ZNF486: variants seen among roughly 807,000 people sequenced by gnomAD.
ZNF486 encodes KRAB box only protein 2.
Under a neutral mutation model 12.8 loss-of-function variants are expected in ZNF486, and 12 were observed. The observed-to-expected ratio is 0.94, with a 90% CI of 0.60 to 1.52. The LOEUF (loss-of-function observed/expected upper bound fraction) is 1.52, where lower values mean the gene tolerates loss of function less well. Ranked by LOEUF, ZNF486 falls within the 40% of genes most tolerant of loss-of-function variation. ZNF486 has a pLI of 0.00. For synonymous variants in ZNF486, 231 were observed against 184.9 expected (o/e 1.25, Z -2.02); for missense variants, 738 against 545.0 (o/e 1.35, Z -3.53).
chr19:20,188,156 A>T (rs1009930728), intron 3 of ZNF486, among the ~76,000 whole-genome samples: 1 of 152,132 alleles, frequency 6.6e-6, no homozygotes, highest in South Asian at 2.1e-4. Flanking sequence ...GGGTTTCTAT[A>T]TAGGCAGAAC....
intron 1 of ZNF486, among the ~76,000 whole-genome samples, chr19:20,184,061 G>A (rs2089815288): frequency 1.3e-5 from 2 of 152,104 alleles, no homozygotes; most frequent in Admixed American, 1.3e-4. Context: ...GATTCTGTAT[G>A]ATGTAAATAT....
At chr19:20,185,813 AAAAG>A (rs1331205409) in intron 2 of ZNF486, among the ~76,000 whole-genome samples, 170 bp from the exon 3 acceptor site, 1 of 152,008 alleles carries the variant, frequency 6.6e-6, no homozygotes, top group African/African-American at 2.4e-5. Context: ...AAAAAAAAAA[AAAAG>A]AAACCTTAAA....
intron 1 of ZNF486, among the ~76,000 whole-genome samples, chr19:20,172,187 G>A (rs1240755700): frequency 2.6e-5 from 4 of 151,508 alleles, no homozygotes; most frequent in Non-Finnish European, 5.9e-5. Context: ...ACTTTTAGTA[G>A]AGACAGGATT....
intron 3 of ZNF486, among the ~76,000 whole-genome samples, chr19:20,189,165 C>T (rs1196876501): frequency 2.6e-4 from 39 of 152,054 alleles, no homozygotes; most frequent in Admixed American, 2.4e-3. Flanking sequence ...ACCTCTGCCT[C>T]CTGGGTTCAA....
At chr19:20,182,616 G>A (rs951907763) in intron 1 of ZNF486, among the ~76,000 whole-genome samples, 7 of 152,200 alleles carry the variant, frequency 4.6e-5, no homozygotes, top group Admixed American at 4.6e-4. Context: ...GGTCAGTGTG[G>A]TGCATAATTC....
chr19:20,178,379 G>A (rs2089747117), intron 1 of ZNF486, among the ~76,000 whole-genome samples: 1 of 151,986 alleles, frequency 6.6e-6, no homozygotes, highest in Non-Finnish European at 1.5e-5. Flanking sequence ...GAATAGCTGG[G>A]ACTACAGGCT....
chr19:20,181,134 C>T (rs1349389858), intron 1 of ZNF486, among the ~76,000 whole-genome samples: 2 of 151,584 alleles, frequency 1.3e-5, no homozygotes, highest in Admixed American at 6.6e-5. Flanking sequence ...TGACCCTACC[C>T]TGGAGTCTTG....
chr19:20,197,499 G>T lies in ZNF486; in HGVS notation c.789G>T (p.Glu263Asp), dbSNP rs2089971506. Residue 263 changes from glutamate to aspartate, a missense_variant, in exon 4 of 4, where the codon GAG (glutamate) becomes GAT (aspartate). Transcript: ENST00000335117. ...CACATAAGAAAATTCATAGTGGAGA[G>T]AAACCCTACATTTGTGAAGAATGTG... Reference protein sequence around the residue: ...FTTHKKIHSGEKPYICEECGK... With the variant: ...FTTHKKIHSGDKPYICEECGK... 2 of 1,609,358 alleles carry T rather than the reference G, an allele frequency of 1.2e-6. No individual in the cohort carries two copies. The highest frequency in any genetic ancestry group is 1.7e-6 in the Non-Finnish European group (2 of 1,177,430).
At chr19:20,196,687 ATAAG>A (rs1470531801) in intron 3 of ZNF486, among the ~76,000 whole-genome samples, 3 of 150,912 alleles carry the variant, frequency 2.0e-5, no homozygotes, top group African/African-American at 7.3e-5. Flanking sequence ...GCTGTTGCAT[ATAAG>A]TAACAGAATT....
intron 2 of ZNF486, among the ~76,000 whole-genome samples, chr19:20,185,035 C>G (rs1204962285): frequency 6.6e-6 from 1 of 152,116 alleles, no homozygotes; most frequent in East Asian, 1.9e-4. Flanking sequence ...CCCTTGAACA[C>G]AGGAGGCAGA....
intron 1 of ZNF486, among the ~76,000 whole-genome samples, chr19:20,167,867 G>GACTC (rs1472426354): frequency 6.6e-6 from 1 of 151,812 alleles, no homozygotes; most frequent in African/African-American, 2.4e-5. Context: ...CCTCTTCAAA[G>GACTC]ACTCAACTTC....
rs940131785 is a variant in ZNF486, at chr19:20,200,419, A to G, written c.*2317A>G. ...GCAAGAAATAATTATTGATAAAAGT[A>G]TATTAAACTAAATTCGTATATTTTA... On this transcript the variant is annotated 3_prime_UTR_variant, in exon 4 of 4. Coordinates refer to ENST00000335117, the MANE Select transcript of ZNF486 (RefSeq NM_052852.4). 6.6e-6 allele frequency: 1 copy of G among 152,166 alleles called. No homozygotes were observed. Among genetic ancestry groups the G allele is most frequent in the African/African-American group, 2.4e-5 (1 of 41,430 alleles). 9.4% of individuals were successfully genotyped at this position (152,166 alleles called of 1,614,324 possible).
At chr19:20,185,222 T>C (rs1159913821) in intron 2 of ZNF486, among the ~76,000 whole-genome samples, 2 of 151,926 alleles carry the variant, frequency 1.3e-5, no homozygotes, top group African/African-American at 2.4e-5. Context: ...TTTTTTACCT[T>C]CTTAGTAATT....
At chr19:20,183,954 C>A (rs529386500) in intron 1 of ZNF486, among the ~76,000 whole-genome samples, 1 of 151,098 alleles carries the variant, frequency 6.6e-6, no homozygotes, top group South Asian at 2.1e-4. Context: ...AAAAAAAAAT[C>A]CTGCATAAGA....
chr19:20,181,018 C>T (rs1180195955), intron 1 of ZNF486, among the ~76,000 whole-genome samples: 1 of 152,024 alleles, frequency 6.6e-6, no homozygotes, highest in African/African-American at 2.4e-5. Flanking sequence ...TTAGAAGAAA[C>T]AAAACTGGAA....
intron 1 of ZNF486, among the ~76,000 whole-genome samples, chr19:20,171,649 C>A (rs1231230882): frequency 1.1e-4 from 16 of 152,232 alleles, no homozygotes; most frequent in Admixed American, 7.8e-4. Context: ...CCACCTGGGC[C>A]ACTATCTGTA....
chr19:20,195,166 C>T (rs558015623), intron 3 of ZNF486, among the ~76,000 whole-genome samples: 1 of 152,048 alleles, frequency 6.6e-6, no homozygotes, highest in East Asian at 1.9e-4. Flanking sequence ...GCCACTGCAC[C>T]CAACCTTTTT....
chr19:20,193,489 G>T (rs1436142957), intron 3 of ZNF486, among the ~76,000 whole-genome samples: 1 of 151,754 alleles, frequency 6.6e-6, no homozygotes, highest in Non-Finnish European at 1.5e-5. Context: ...GTGAAACGCT[G>T]TCTCTACTAA....
intron 1 of ZNF486, among the ~76,000 whole-genome samples, chr19:20,169,413 G>T (rs1462429285): frequency 6.6e-6 from 1 of 152,088 alleles, no homozygotes; most frequent in African/African-American, 2.4e-5. Context: ...CCGGCCAACA[G>T]GAGGTTATTA....
Sources: allele counts gnomAD v4.1 joint callset (sites outside exome capture counted in the v4.1 genomes callset), GRCh38; gene constraint gnomAD v4.1.1; transcripts MANE v1.5; gene names NCBI Gene and HGNC (gene_info 2026-07-23, HGNC 2026-07-21).